The following NRXN3 variants were observed in gnomAD, a reference collection of about 807,000 sequenced individuals.
NRXN3 encodes the protein neurexin 3.
In NRXN3, 32 loss-of-function variants were observed where a neutral mutation model predicts 137.6. The ratio of observed to expected loss-of-function variants is 0.23; its 90% CI spans 0.18 to 0.31. The LOEUF is 0.31. NRXN3 is among the 10% of genes least tolerant of loss of function. The pLI, the probability that NRXN3 is intolerant of heterozygous loss-of-function variation, is 1.00. For missense variants in NRXN3, 1,574 were observed against 2,062.5 expected, an observed-to-expected ratio of 0.76 and a Z score of 4.59; for synonymous variants, 798 against 784.5, an observed-to-expected ratio of 1.02 and a Z score of -0.29.
chr14:79,858,477 C>T (rs1461979738), intron 20 of NRXN3, among the ~76,000 whole-genome samples: 1 of 152,068 alleles, frequency 6.6e-6, no homozygotes, highest in Non-Finnish European at 1.5e-5. Flanking sequence ...CTATTTGTAC[C>T]AGGGCTTTGC....
intron 8 of NRXN3, among the ~76,000 whole-genome samples, chr14:78,782,493 CT>C (rs1414877648): frequency 6.6e-6 from 1 of 152,162 alleles, no homozygotes; most frequent in Non-Finnish European, 1.5e-5. Flanking sequence ...TTGCCGAAAG[CT>C]TTTTGCAATC....
intron 20 of NRXN3, among the ~76,000 whole-genome samples, chr14:79,859,633 G>A (rs931440806): frequency 6.6e-6 from 1 of 152,150 alleles, no homozygotes; most frequent in Non-Finnish European, 1.5e-5. Flanking sequence ...TGTTACTGAT[G>A]AGGTGGGTAC....
chr14:79,605,622 G>T (rs536413665), intron 16 of NRXN3, among the ~76,000 whole-genome samples: 3 of 152,154 alleles, frequency 2.0e-5, no homozygotes, highest in African/African-American at 7.2e-5. Context: ...CGAGTAGCTG[G>T]GACTACAGGT....
At chr14:78,583,064 T>C (rs1210288814) in intron 4 of NRXN3, among the ~76,000 whole-genome samples, 2 of 152,148 alleles carry the variant, frequency 1.3e-5, no homozygotes, top group African/African-American at 4.8e-5. Flanking sequence ...CATTAGGGCC[T>C]CTGGGATACT....
At chr14:79,258,922 T>C (rs1377149437) in intron 15 of NRXN3, among the ~76,000 whole-genome samples, 2 of 152,212 alleles carry the variant, frequency 1.3e-5, no homozygotes, top group African/African-American at 2.4e-5. Flanking sequence ...ATGGCCCTTT[T>C]GAGTAATAGA....
At chr14:79,514,197 TC>T (rs2096960451) in intron 16 of NRXN3, among the ~76,000 whole-genome samples, 1 of 129,450 alleles carries the variant, frequency 7.7e-6, no homozygotes, top group Non-Finnish European at 1.7e-5. Context: ...CTCCCCCCGC[TC>T]CCCACCATAG....
intron 16 of NRXN3, among the ~76,000 whole-genome samples, chr14:79,548,032 A>G (rs1169872918): frequency 6.6e-6 from 1 of 151,836 alleles, no homozygotes; most frequent in East Asian, 1.9e-4. Context: ...TTTTTTTTTA[A>G]CTATTAATTT....
At position 78,367,262 on chromosome 14, in the gene NRXN3, C is replaced by G. The variant is rs562803739; in HGVS notation, c.757+69402C>G. Among the ~76,000 whole-genome samples, 5 of 152,192 alleles carry G rather than the reference C, an allele frequency of 3.3e-5. 1 individual carries two copies. In the South Asian group the frequency reaches 1.0e-3, roughly 32 times the overall value. ...GTTTTCTGGCTTTTTCTTGCTTAGT[C>G]TGTGGTTGTCTAAAACTTGCACTGG... On this transcript the variant is annotated intron_variant, in intron 4 of 20. Coordinates refer to ENST00000335750, the MANE Select transcript of NRXN3 (RefSeq NM_001330195.2).
chr14:79,814,735 C>T (rs762990431), intron 20 of NRXN3, among the ~76,000 whole-genome samples: 6 of 152,074 alleles, frequency 3.9e-5, no homozygotes, highest in South Asian at 4.1e-4. Context: ...AGATGTTTTT[C>T]GGGAATTGTT....
At chr14:79,068,081 C>T (rs1004080491) in intron 15 of NRXN3, among the ~76,000 whole-genome samples, 10 of 151,876 alleles carry the variant, frequency 6.6e-5, no homozygotes, top group Non-Finnish European at 1.3e-4. Context: ...CAAAGGAGAA[C>T]AGAGACCTGG....
At chr14:78,614,388 C>G (rs2097328218) in intron 4 of NRXN3, among the ~76,000 whole-genome samples, 1 of 151,976 alleles carries the variant, frequency 6.6e-6, no homozygotes, top group Non-Finnish European at 1.5e-5. Context: ...GTGAAAAAGC[C>G]TACTTTTACA....
At chr14:79,482,242 C>A (rs1007641438) in intron 16 of NRXN3, among the ~76,000 whole-genome samples, 1 of 152,092 alleles carries the variant, frequency 6.6e-6, no homozygotes, top group Non-Finnish European at 1.5e-5. Context: ...TGGCCCATGC[C>A]CAGGAATGAC....
intron 19 of NRXN3, among the ~76,000 whole-genome samples, chr14:79,733,177 A>G (rs992392120): frequency 6.6e-6 from 1 of 152,224 alleles, no homozygotes; most frequent in Non-Finnish European, 1.5e-5. Flanking sequence ...CTCCATATTC[A>G]TAAAAGCTCT....
chr14:79,836,258 GT>G (rs2099343063), intron 20 of NRXN3, among the ~76,000 whole-genome samples: 1 of 152,138 alleles, frequency 6.6e-6, no homozygotes, highest in Admixed American at 6.6e-5. Context: ...CACAGCTATT[GT>G]TTTGATAGCC....
At chr14:79,755,266 T>C in intron 19 of NRXN3, among the ~76,000 whole-genome samples, 1 of 152,218 alleles carries the variant, frequency 6.6e-6, no homozygotes, top group Non-Finnish European at 1.5e-5. Flanking sequence ...ATGCCTGTTA[T>C]ACTATGTTTT....
intron 15 of NRXN3, among the ~76,000 whole-genome samples, chr14:79,035,639 A>T (rs1568063372): frequency 6.6e-6 from 1 of 152,068 alleles, no homozygotes; most frequent in Non-Finnish European, 1.5e-5. Flanking sequence ...AATTTCCTAA[A>T]ACCTGAATCT....
Position 78,451,607 on chromosome 14 carries a change from A to G in NRXN3, c.757+153747A>G, listed in dbSNP as rs192825840. ...CTTCCCGTATAGATAGCCATAGCAT[A>G]CATACATGATTCCCCCAAAGAAAGA... On this transcript the variant is annotated intron_variant, in intron 4 of 20. Coordinates refer to ENST00000335750, the MANE Select transcript of NRXN3 (RefSeq NM_001330195.2). 3.3e-5 allele frequency among the ~76,000 whole-genome samples: 5 copies of G among 152,316 alleles called. No homozygotes were observed. In the East Asian group the frequency reaches 9.7e-4, roughly 29 times the overall value.
At chr14:79,585,556 G>A (rs1474152850) in intron 16 of NRXN3, among the ~76,000 whole-genome samples, 1 of 151,850 alleles carries the variant, frequency 6.6e-6, no homozygotes. Flanking sequence ...GTGGTGGTGT[G>A]TGCCTGTAGT....
Position 78,314,991 on chromosome 14 carries a change from C to CTCTT in NRXN3, c.757+17149_757+17152dup, listed in dbSNP as rs10551573. ...CCTTCCTTCCTTCCTTCCTTCCTTT[C>CTCTT]TCTTTCTTTCTTTCTTTCTTTTCTT... On this transcript the variant is annotated intron_variant, in intron 4 of 20. Transcript: ENST00000335750. Among the ~76,000 whole-genome samples, 177 of 68,322 alleles carry CTCTT rather than the reference C, an allele frequency of 2.6e-3. 5 individuals carry two copies. Among genetic ancestry groups the CTCTT allele is most frequent in the African/African-American group, 0.01 (158 of 15,136 alleles). The allele number at this position is 68,322 out of a possible 152,430, so 44.8% of individuals were successfully genotyped here.
Sources: allele counts gnomAD v4.1 joint callset (sites outside exome capture counted in the v4.1 genomes callset), GRCh38; gene constraint gnomAD v4.1.1; transcripts MANE v1.5; gene names NCBI Gene and HGNC (gene_info 2026-07-23, HGNC 2026-07-21).